Variants in EYS observed in about 807,000 individuals in gnomAD.
EYS encodes protein eyes shut homolog.
EYS carries 250 observed loss-of-function variants against 282.1 expected under a neutral mutation model. That is an observed-to-expected ratio of 0.89 (90% CI 0.80 to 0.98). The LOEUF (loss-of-function observed/expected upper bound fraction) is 0.98, where lower values mean the gene tolerates loss of function less well. EYS is among the 50% of genes least tolerant of loss of function. EYS has a pLI of 0.00. For missense variants in EYS, 4,016 were observed against 3,709.0 expected, an observed-to-expected ratio of 1.08 and a Z score of -2.15; for synonymous variants, 1,355 against 1,282.9, an observed-to-expected ratio of 1.06 and a Z score of -1.20.
intron 29 of EYS, among the ~76,000 whole-genome samples, chr6:64,333,560 G>A (rs35269062): frequency 6.6e-6 from 1 of 152,098 alleles, no homozygotes; most frequent in Non-Finnish European, 1.5e-5. Context: ...TGCACAACTG[G>A]AACATGCAAC....
At chr6:64,339,449 A>G (rs749540132) in intron 29 of EYS, among the ~76,000 whole-genome samples, 7 of 152,020 alleles carry the variant, frequency 4.6e-5, no homozygotes, top group Non-Finnish European at 8.8e-5. Context: ...TCCTGCAAGT[A>G]TGGTCATAAT....
intron 35 of EYS, among the ~76,000 whole-genome samples, chr6:63,883,477 A>G (rs956373004): frequency 5.3e-5 from 8 of 152,218 alleles, no homozygotes; most frequent in Non-Finnish European, 8.8e-5. Flanking sequence ...CTCTCAACCA[A>G]CGTGGCTGGA....
intron 29 of EYS, among the ~76,000 whole-genome samples, chr6:64,312,278 G>A (rs186033833): frequency 5.6e-4 from 85 of 152,194 alleles, no homozygotes; most frequent in Middle Eastern, 6.8e-3. Context: ...TTGGAACTGC[G>A]TGGAGCCCAC....
At chr6:64,390,474 CG>C (rs1454562802) in intron 28 of EYS, among the ~76,000 whole-genome samples, 6 of 151,684 alleles carry the variant, frequency 4.0e-5, no homozygotes, top group African/African-American at 1.5e-4. Flanking sequence ...CCCCTGACCC[CG>C]GAGCAGCCTA....
chr6:64,015,419 C>A (rs1768845849), intron 33 of EYS, among the ~76,000 whole-genome samples: 1 of 151,940 alleles, frequency 6.6e-6, no homozygotes, highest in African/African-American at 2.4e-5. Flanking sequence ...CTCTAAAAAT[C>A]TATAATCTGT....
At chr6:65,018,563 T>C (rs924999864) in intron 13 of EYS, among the ~76,000 whole-genome samples, 2 of 152,208 alleles carry the variant, frequency 1.3e-5, no homozygotes, top group Non-Finnish European at 2.9e-5. Flanking sequence ...GGTAATATTA[T>C]TACAATAAAG....
intron 12 of EYS, among the ~76,000 whole-genome samples, chr6:65,255,191 G>A (rs1230683033): frequency 6.6e-6 from 1 of 151,556 alleles, no homozygotes; most frequent in African/African-American, 2.4e-5. Context: ...ATAGACCAAT[G>A]GAATAGAATA....
intron 14 of EYS, among the ~76,000 whole-genome samples, chr6:64,989,855 C>CTTGT (rs1771005389): frequency 2.0e-5 from 3 of 148,366 alleles, no homozygotes; most frequent in African/African-American, 7.4e-5. Context: ...ATAACCAAGA[C>CTTGT]AGGTTTATTG....
At chr6:63,833,622 T>G (rs949142557) in intron 36 of EYS, among the ~76,000 whole-genome samples, 10 of 152,116 alleles carry the variant, frequency 6.6e-5, no homozygotes, top group African/African-American at 2.4e-4. Context: ...ATCATGAAAA[T>G]GGCCATACTG....
At chr6:65,704,609 C>T (rs761292285) in intron 1 of EYS, among the ~76,000 whole-genome samples, 2 of 152,076 alleles carry the variant, frequency 1.3e-5, no homozygotes, top group African/African-American at 2.4e-5. Context: ...ACTTAATATT[C>T]GGTTATATTT....
intron 6 of EYS, 151 bp from the exon 7 acceptor site, chr6:65,402,756 A>G (rs1169682848): frequency 5.3e-6 from 3 of 567,102 alleles, no homozygotes; most frequent in East Asian, 3.0e-5. Context: ...ATTTTCCAAA[A>G]TGTCACAACA....
intron 13 of EYS, among the ~76,000 whole-genome samples, chr6:65,052,753 C>T (rs1773309143): frequency 6.6e-6 from 1 of 151,352 alleles, no homozygotes; most frequent in Non-Finnish European, 1.5e-5. Flanking sequence ...CAAATAATAC[C>T]CTTTCCTTCA....
intron 5 of EYS, among the ~76,000 whole-genome samples, chr6:65,478,041 C>A (rs1388676759): frequency 1.3e-5 from 2 of 152,066 alleles, no homozygotes; most frequent in East Asian, 3.9e-4. Context: ...TTATTCAATA[C>A]CTTATATGTG....
chr6:65,665,384 A>T (rs188002763), intron 1 of EYS, among the ~76,000 whole-genome samples: 1 of 152,188 alleles, frequency 6.6e-6, no homozygotes, highest in Non-Finnish European at 1.5e-5. Flanking sequence ...TTCAATTTAT[A>T]TTTGTTTCAT....
chr6:65,545,522 A>G (rs1768352231), intron 2 of EYS, among the ~76,000 whole-genome samples: 1 of 152,174 alleles, frequency 6.6e-6, no homozygotes, highest in African/African-American at 2.4e-5. Context: ...AATGTCAATG[A>G]AGAAAGTGGG....
chr6:64,737,864 C>G (rs534277309), intron 22 of EYS, among the ~76,000 whole-genome samples: 1 of 152,298 alleles, frequency 6.6e-6, no homozygotes, highest in East Asian at 1.9e-4. Flanking sequence ...TTGAGCAATA[C>G]TTGCTTTAAC....
intron 30 of EYS, among the ~76,000 whole-genome samples, chr6:64,255,576 A>T (rs1767366420): frequency 6.6e-6 from 1 of 152,110 alleles, no homozygotes; most frequent in South Asian, 2.1e-4. Flanking sequence ...TGGATTAAAC[A>T]GATTACCATT....
intron 22 of EYS, among the ~76,000 whole-genome samples, chr6:64,750,093 A>T (rs913727309): frequency 2.6e-5 from 4 of 152,064 alleles, no homozygotes; most frequent in African/African-American, 9.7e-5. Context: ...GGAAAACTCC[A>T]CTTTTTGTGA....
At chr6:65,223,674 C>T (rs2150261371) in intron 12 of EYS, among the ~76,000 whole-genome samples, 1 of 152,200 alleles carries the variant, frequency 6.6e-6, no homozygotes, top group African/African-American at 2.4e-5. Context: ...CCTTATATCA[C>T]ATTTGGCAAA....
Sources: allele counts gnomAD v4.1 joint callset (sites outside exome capture counted in the v4.1 genomes callset), GRCh38; gene constraint gnomAD v4.1.1; transcripts MANE v1.5; gene names NCBI Gene and HGNC (gene_info 2026-07-23, HGNC 2026-07-21).